Variants in ZNF536 observed in about 807,000 individuals in gnomAD.
ZNF536 encodes the protein zinc finger protein 536.
ZNF536 carries 13 observed loss-of-function variants against 84.5 expected under a neutral mutation model. The observed-to-expected ratio is 0.15, with a 90% CI of 0.10 to 0.24. The LOEUF (loss-of-function observed/expected upper bound fraction) is 0.24, where lower values mean the gene tolerates loss of function less well. Ranked by LOEUF, ZNF536 falls within the 10% of genes least tolerant of loss-of-function variation. ZNF536 has a pLI of 1.00. For synonymous variants in ZNF536, 811 were observed against 742.5 expected (o/e 1.09, Z -1.50); for missense variants, 1,536 against 1,747.5 (o/e 0.88, Z 2.16).
At chr19:30,555,922 C>A (rs2045950354) in intron 4 of ZNF536, 1 of 152,196 alleles carries the variant, frequency 6.6e-6, no homozygotes, top group Non-Finnish European at 1.5e-5. Flanking sequence ...CACAAGAAGG[C>A]AATTGGCTTG....
intron 1 of ZNF536, among the ~76,000 whole-genome samples, chr19:30,569,407 A>G (rs1488259078): frequency 6.6e-6 from 1 of 151,180 alleles, no homozygotes; most frequent in Non-Finnish European, 1.5e-5. Flanking sequence ...CCTTTGCCAC[A>G]CCTTCTTGAT....
chr19:30,635,071 T>TGA (rs371372410), intron 1 of ZNF536, among the ~76,000 whole-genome samples: 5 of 147,506 alleles, frequency 3.4e-5, no homozygotes, highest in Admixed American at 6.6e-5. Context: ...AAGCTGGGTG[T>TGA]GTGTGTGTGT....
intron 2 of ZNF536, among the ~76,000 whole-genome samples, chr19:30,315,989 G>C (rs762529172): frequency 6.6e-6 from 1 of 152,114 alleles, no homozygotes; most frequent in Non-Finnish European, 1.5e-5. Context: ...GTGTAATTCT[G>C]TGTGGTATGG....
chr19:30,590,449 A>G (rs539741351), intron 1 of ZNF536, among the ~76,000 whole-genome samples: 10 of 152,322 alleles, frequency 6.6e-5, no homozygotes, highest in African/African-American at 2.2e-4. Flanking sequence ...GCCTTTCAGC[A>G]AGGCTTTCTT....
At chr19:30,227,163 GAA>G (rs2022658791), upstream of ZNF536, among the ~76,000 whole-genome samples, 1 of 151,530 alleles carries the variant, frequency 6.6e-6, no homozygotes, top group Non-Finnish European at 1.5e-5. Flanking sequence ...TAGGGAAAAA[GAA>G]AGAAAAAGGG....
intron 1 of ZNF536, among the ~76,000 whole-genome samples, chr19:30,566,650 C>T (rs556524032): frequency 6.7e-6 from 1 of 149,816 alleles, no homozygotes; most frequent in East Asian, 2.1e-4. Context: ...GGGGGGATCC[C>T]TGCCTGTGGC....
intron 1 of ZNF536, among the ~76,000 whole-genome samples, chr19:30,631,607 G>A (rs1404716147): frequency 1.3e-5 from 2 of 152,166 alleles, no homozygotes; most frequent in Non-Finnish European, 2.9e-5. Context: ...AGGAAAGGGT[G>A]GGTTACTCCC....
intron 1 of ZNF536, among the ~76,000 whole-genome samples, chr19:30,378,701 G>A (rs1034580836): frequency 3.3e-5 from 5 of 152,150 alleles, no homozygotes; most frequent in East Asian, 1.9e-4. Context: ...TGCTCCAGCC[G>A]AGGTCCCTTT....
At chr19:30,414,191 T>C (rs1179825672) in intron 1 of ZNF536, among the ~76,000 whole-genome samples, 1 of 152,132 alleles carries the variant, frequency 6.6e-6, no homozygotes, top group African/African-American at 2.4e-5. Flanking sequence ...CTTACTTTTG[T>C]TTTATTGATG....
chr19:30,455,065 AAC>A (rs1226969714), intron 2 of ZNF536, among the ~76,000 whole-genome samples: 2 of 151,856 alleles, frequency 1.3e-5, no homozygotes, highest in African/African-American at 4.8e-5. Context: ...CAAACAAACA[AAC>A]AAAGTTTCTA....
At chr19:30,419,939 G>T (rs1600659081) in intron 1 of ZNF536, among the ~76,000 whole-genome samples, 1 of 152,208 alleles carries the variant, frequency 6.6e-6, no homozygotes, top group Admixed American at 6.5e-5. Flanking sequence ...TTCCCATCCG[G>T]GTGCTGCTTC....
At chr19:30,554,945 C>G (rs900450535) in intron 4 of ZNF536, 4 of 152,328 alleles carry the variant, frequency 2.6e-5, no homozygotes, top group African/African-American at 7.2e-5. Flanking sequence ...AGGGCCCCAT[C>G]CATTGTCTGG....
chr19:30,416,682 G>A (rs896027061), intron 1 of ZNF536, among the ~76,000 whole-genome samples: 1 of 152,116 alleles, frequency 6.6e-6, no homozygotes, highest in South Asian at 2.1e-4. Flanking sequence ...TTCCTAGTGG[G>A]TGGCCCTTTC....
At chr19:30,314,520 G>T (rs1031239675) in intron 2 of ZNF536, among the ~76,000 whole-genome samples, 2 of 152,158 alleles carry the variant, frequency 1.3e-5, no homozygotes, top group African/African-American at 2.4e-5. Flanking sequence ...AGAGAAAAGA[G>T]CCACACCGTG....
intron 2 of ZNF536, among the ~76,000 whole-genome samples, chr19:30,467,875 C>A (rs112173808): frequency 1.3e-5 from 2 of 152,234 alleles, no homozygotes; most frequent in African/African-American, 4.8e-5. Context: ...AGCAGAGGCA[C>A]CCTGGTATAG....
intron 2 of ZNF536, among the ~76,000 whole-genome samples, chr19:30,473,134 A>AG: frequency 6.6e-6 from 1 of 151,822 alleles, no homozygotes; most frequent in East Asian, 1.9e-4. Flanking sequence ...TGAACCCAGG[A>AG]GGTGGAGGTT....
chr19:30,351,545 C>T (rs2047930263), intron 2 of ZNF536, among the ~76,000 whole-genome samples: 2 of 152,190 alleles, frequency 1.3e-5, no homozygotes, highest in Admixed American at 1.3e-4. Flanking sequence ...CAGTTTGGAT[C>T]AGTATATTAC....
At chr19:30,418,280 T>A (rs1253653647) in intron 1 of ZNF536, among the ~76,000 whole-genome samples, 1 of 152,178 alleles carries the variant, frequency 6.6e-6, no homozygotes, top group Non-Finnish European at 1.5e-5. Context: ...GAAGGAGACA[T>A]CTGTGACCTA....
At chr19:30,238,616 C>A (rs566246480) in intron 1 of ZNF536, among the ~76,000 whole-genome samples, 1 of 151,816 alleles carries the variant, frequency 6.6e-6, no homozygotes, top group Non-Finnish European at 1.5e-5. Context: ...CCGTCTTTTC[C>A]TCCCTCCCTC....
Sources: gnomAD v4.1 joint callset for allele counts (sites outside exome capture counted in the v4.1 genomes callset) on GRCh38, gnomAD v4.1.1 for gene constraint, MANE v1.5 for transcripts, NCBI Gene and HGNC (gene_info 2026-07-23, HGNC 2026-07-21) for gene names.